The following CSMD1 variants were observed in gnomAD, a reference collection of about 807,000 sequenced individuals.
CSMD1 encodes the protein CUB and sushi domain-containing protein 1.
A neutral mutation model predicts 417.5 loss-of-function variants in CSMD1; 213 were observed. That is an observed-to-expected ratio of 0.51 (90% confidence interval 0.46 to 0.57). The LOEUF is 0.57. Ranked by LOEUF, CSMD1 falls within the 20% of genes least tolerant of loss-of-function variation. The pLI is 0.00. For synonymous variants in CSMD1, 2,862 were observed against 1,736.8 expected (o/e 1.65, Z -16.11); for missense variants, 6,923 against 4,529.7 (o/e 1.53, Z -15.17).
chr8:3,792,341 A>G (rs545258740), intron 5 of CSMD1, among the ~76,000 whole-genome samples: 1 of 152,152 alleles, frequency 6.6e-6, no homozygotes, highest in African/African-American at 2.4e-5. Flanking sequence ...AATAAAATCA[A>G]TGAACACCCA....
intron 6 of CSMD1, among the ~76,000 whole-genome samples, chr8:3,724,211 ATTATACT>A (rs1802357846): frequency 6.7e-6 from 1 of 149,324 alleles, no homozygotes. Context: ...TTTTTTTATT[ATTATACT>A]TTAAGTTTTA....
intron 10 of CSMD1, among the ~76,000 whole-genome samples, chr8:3,512,269 G>A (rs574056024): frequency 6.6e-6 from 1 of 152,170 alleles, no homozygotes. Flanking sequence ...TTCAGGGATG[G>A]ACTGGAAGCA....
intron 25 of CSMD1, among the ~76,000 whole-genome samples, chr8:3,303,503 A>G (rs776749876): frequency 1.1e-4 from 17 of 152,286 alleles, no homozygotes; most frequent in Non-Finnish European, 1.9e-4. Flanking sequence ...AATGTTTTTC[A>G]TACTGTGCGA....
At chr8:4,284,655 C>G (rs1292162060) in intron 3 of CSMD1, among the ~76,000 whole-genome samples, 1 of 152,054 alleles carries the variant, frequency 6.6e-6, no homozygotes, top group Non-Finnish European at 1.5e-5. Context: ...ACTCAGGACT[C>G]CTGGAGGATC....
At chr8:3,403,787 C>G (rs1426513033) in intron 15 of CSMD1, among the ~76,000 whole-genome samples, 2 of 152,198 alleles carry the variant, frequency 1.3e-5, no homozygotes, top group Non-Finnish European at 2.9e-5. Flanking sequence ...TCATTAGTAT[C>G]ATATCTTTGA....
intron 26 of CSMD1, among the ~76,000 whole-genome samples, chr8:3,231,934 C>G (rs1372118430): frequency 1.3e-5 from 2 of 152,168 alleles, no homozygotes; most frequent in Non-Finnish European, 1.5e-5. Flanking sequence ...TTGCTATTCT[C>G]TAAGCTAATT....
chr8:3,421,475 A>C (rs770866668), intron 12 of CSMD1, among the ~76,000 whole-genome samples: 50 of 152,216 alleles, frequency 3.3e-4, no homozygotes, highest in Non-Finnish European at 5.4e-4. Flanking sequence ...ACTTCATTTT[A>C]TTTACACAAA....
intron 3 of CSMD1, among the ~76,000 whole-genome samples, chr8:4,239,411 C>G (rs1023803902): frequency 6.6e-6 from 1 of 152,136 alleles, no homozygotes; most frequent in Non-Finnish European, 1.5e-5. Context: ...AACTGTGATT[C>G]ATCTTAACTC....
intron 5 of CSMD1, among the ~76,000 whole-genome samples, chr8:3,907,066 G>A (rs2688286): frequency 0.36 from 54,937 of 151,954 alleles, 13,061 homozygotes; most frequent in African/African-American, 0.68. Context: ...TCCAAATGTC[G>A]TAGCTAGTAA....
chr8:3,074,537 G>A lies in CSMD1; in HGVS notation c.7474+12560C>T, dbSNP rs145832784. Among the ~76,000 whole-genome samples the A allele has an allele frequency of 7.3e-3, 1,119 of 152,292 alleles. 13 individuals carry two copies. The highest frequency in any genetic ancestry group is 0.025 in the African/African-American group (1,044 of 41,570). Reference sequence around the variant, plus strand: ...GTGGAGCAGCCTATTTGGATTACCCGAAGATCAGTTTGACAAGATAACCCA... The same window carrying A: ...GTGGAGCAGCCTATTTGGATTACCCAAAGATCAGTTTGACAAGATAACCCA... On this transcript the variant is annotated intron_variant, in intron 49 of 69. Coordinates refer to ENST00000635120, the MANE Select transcript of CSMD1 (RefSeq NM_033225.6).
At chr8:3,047,576 T>C (rs1811543014) in intron 50 of CSMD1, among the ~76,000 whole-genome samples, 1 of 152,190 alleles carries the variant, frequency 6.6e-6, no homozygotes, top group South Asian at 2.1e-4. Context: ...ACTCACCATC[T>C]CACATGCTGT....
chr8:4,279,758 T>A (rs922136375), intron 3 of CSMD1, among the ~76,000 whole-genome samples: 3 of 152,138 alleles, frequency 2.0e-5, no homozygotes, highest in African/African-American at 7.2e-5. Context: ...AGAAAAAAAA[T>A]AAAACTCTAC....
At chr8:3,067,687 G>C (rs1404689340) in intron 49 of CSMD1, among the ~76,000 whole-genome samples, 4 of 150,676 alleles carry the variant, frequency 2.7e-5, no homozygotes, top group Non-Finnish European at 5.9e-5. Context: ...TCACTAACTA[G>C]ATTGTATATG....
chr8:3,550,489 T>C (rs939489357), intron 10 of CSMD1, among the ~76,000 whole-genome samples: 1 of 152,130 alleles, frequency 6.6e-6, no homozygotes, highest in Admixed American at 6.5e-5. Flanking sequence ...ATCGATGGGG[T>C]GCACAGTAAT....
chr8:3,262,005 G>T (rs1409777222), intron 26 of CSMD1, among the ~76,000 whole-genome samples: 1 of 151,668 alleles, frequency 6.6e-6, no homozygotes, highest in Admixed American at 6.6e-5. Flanking sequence ...GGGAAACTGG[G>T]TAAAGTGTGC....
intron 41 of CSMD1, among the ~76,000 whole-genome samples, chr8:3,130,437 C>T (rs752350444): frequency 1.3e-5 from 2 of 152,092 alleles, no homozygotes; most frequent in African/African-American, 4.8e-5. Context: ...ACTCTTCCCT[C>T]GCTTCCCCCA....
At chr8:4,082,588 A>G (rs1260167923) in intron 3 of CSMD1, among the ~76,000 whole-genome samples, 1 of 150,652 alleles carries the variant, frequency 6.6e-6, no homozygotes, top group East Asian at 2.0e-4. Context: ...CCTAGAAGAA[A>G]AAAACCTTTC....
rs774541992 is a variant in CSMD1 at position 3,367,267 on chromosome 8, G to C, written c.2900-20C>G. On this transcript the variant is annotated intron_variant, in intron 19 of 69. Transcript: ENST00000635120. ...GAACTCCTGAGAAATGAAGCCGGGG[G>C]AGAGAGAGAGAGACAGAGAGAGACA... 9.0e-6 allele frequency: 11 copies of C among 1,221,192 alleles called. No individual in the cohort carries two copies. The highest frequency in any genetic ancestry group is 3.0e-5 in the African/African-American group (2 of 66,130). The allele number at this position is 1,221,192 out of a possible 1,614,324, so 75.6% of individuals were successfully genotyped here.
At chr8:3,084,446 C>G (rs1273015308) in intron 49 of CSMD1, among the ~76,000 whole-genome samples, 2 of 146,522 alleles carry the variant, frequency 1.4e-5, no homozygotes, top group Non-Finnish European at 3.0e-5. Flanking sequence ...TTACTTGAAC[C>G]TGGGAGGCAG....
Sources: allele counts gnomAD v4.1 joint callset (sites outside exome capture counted in the v4.1 genomes callset), GRCh38; gene constraint gnomAD v4.1.1; transcripts MANE v1.5; gene names NCBI Gene and HGNC (gene_info 2026-07-23, HGNC 2026-07-21).